The following RALY variants were observed in gnomAD, a reference collection of about 807,000 sequenced individuals.
RALY encodes the protein RALY heterogeneous nuclear ribonucleoprotein.
Under a neutral mutation model 30.7 loss-of-function variants are expected in RALY, and 15 were observed. That is an observed-to-expected ratio of 0.49 (90% CI 0.33 to 0.75). The LOEUF (loss-of-function observed/expected upper bound fraction) is 0.75. RALY is among the 30% of genes least tolerant of loss of function. The pLI is 0.02. For synonymous variants in RALY, 177 were observed against 170.8 expected, an observed-to-expected ratio of 1.04 and a Z score of -0.28; for missense variants, 339 against 414.3, an observed-to-expected ratio of 0.82 and a Z score of 1.58.
intron 1 of RALY, among the ~76,000 whole-genome samples, chr20:33,997,122 C>T (rs1466976942): frequency 6.6e-6 from 1 of 152,028 alleles, no homozygotes; most frequent in African/African-American, 2.4e-5. Context: ...ACCTTATACC[C>T]TGTTTTTTTT....
Position 33,996,621 on chromosome 20 carries a change from T to A in RALY, c.-93+2490T>A, listed in dbSNP as rs76225455. Reference sequence around the variant, plus strand: ...AACCTTAAAGCTGGCATGCTTTTTTTAAAAAAAAAATTGTGGTAAAATATA... The same window carrying A: ...AACCTTAAAGCTGGCATGCTTTTTTAAAAAAAAAAATTGTGGTAAAATATA... On this transcript the variant is annotated intron_variant, in intron 1 of 9. Transcript: ENST00000246194. Among the ~76,000 whole-genome samples, 1,090 of 150,412 alleles carry A rather than the reference T, an allele frequency of 7.2e-3. 19 individuals are homozygous for A. Among genetic ancestry groups the A allele is most frequent in the African/African-American group, 0.025 (1,021 of 41,088 alleles).
chr20:34,072,959 T>TGTGTGTGA (rs142692706), intron 3 of RALY, among the ~76,000 whole-genome samples: 387 of 148,990 alleles, frequency 2.6e-3, no homozygotes, highest in African/African-American at 9.1e-3. Context: ...TGTGTGTGTG[T>TGTGTGTGA]GAGAGAGAGA....
intron 2 of RALY, among the ~76,000 whole-genome samples, chr20:34,058,574 C>T (rs1250837109): frequency 6.6e-6 from 1 of 152,138 alleles, no homozygotes; most frequent in African/African-American, 2.4e-5. Context: ...GATACTCATC[C>T]CTTCGGAAGA....
chr20:34,013,143 A>T (rs1469888526), intron 1 of RALY, among the ~76,000 whole-genome samples: 1 of 152,142 alleles, frequency 6.6e-6, no homozygotes, highest in Non-Finnish European at 1.5e-5. Context: ...TATTCAAGGT[A>T]GGCTAAACTA....
At chr20:34,037,715 A>G (rs1601451788) in intron 2 of RALY, among the ~76,000 whole-genome samples, 1 of 152,252 alleles carries the variant, frequency 6.6e-6, no homozygotes, top group East Asian at 1.9e-4. Context: ...CAAATGTACA[A>G]GACTATTAAT....
intron 2 of RALY, among the ~76,000 whole-genome samples, chr20:34,059,239 G>A (rs1463064653): frequency 6.6e-6 from 1 of 152,182 alleles, no homozygotes; most frequent in Non-Finnish European, 1.5e-5. Context: ...TGTGTTCAAG[G>A]AGAAGGATTG....
intron 1 of RALY, among the ~76,000 whole-genome samples, chr20:34,007,832 A>AAG (rs1568651325): frequency 6.6e-6 from 1 of 151,550 alleles, no homozygotes; most frequent in Non-Finnish European, 1.5e-5. Context: ...AAAAAAAAAA[A>AAG]AAAAAAAAAG....
At chr20:34,005,686 A>G (rs1350053209) in intron 1 of RALY, among the ~76,000 whole-genome samples, 1 of 152,224 alleles carries the variant, frequency 6.6e-6, no homozygotes, top group Non-Finnish European at 1.5e-5. Context: ...ATATTATTTC[A>G]TTCTCACCTC....
At chr20:34,008,011 A>C (rs947324106) in intron 1 of RALY, among the ~76,000 whole-genome samples, 1 of 152,130 alleles carries the variant, frequency 6.6e-6, no homozygotes, top group African/African-American at 2.4e-5. Context: ...TTGTGGGACT[A>C]TGGGATCCTT....
intron 6 of RALY, 124 bp downstream of exon 6, chr20:34,076,164 C>A: frequency 8.4e-7 from 1 of 1,192,608 alleles, no homozygotes; most frequent in Non-Finnish European, 1.2e-6. Context: ...GCTGCTCTAA[C>A]ACAGCCAAGT....
intron 2 of RALY, among the ~76,000 whole-genome samples, chr20:34,051,685 C>T (rs572736570): frequency 6.6e-5 from 10 of 152,138 alleles, no homozygotes; most frequent in Non-Finnish European, 1.0e-4. Context: ...AAGCTCCGCC[C>T]CCTGGGTTCA....
At chr20:34,048,871 A>AAAAAAAT (rs1555805742) in intron 2 of RALY, among the ~76,000 whole-genome samples, 3 of 150,392 alleles carry the variant, frequency 2.0e-5, no homozygotes, top group Admixed American at 6.6e-5. Flanking sequence ...AAAAAAAAAA[A>AAAAAAAT]TTTTCTCTGC....
intron 1 of RALY, among the ~76,000 whole-genome samples, chr20:34,026,201 A>T (rs1219712889): frequency 6.6e-6 from 1 of 151,960 alleles, no homozygotes; most frequent in Non-Finnish European, 1.5e-5. Context: ...CAACTTGTCG[A>T]TAAGTGTTTC....
At chr20:34,002,565 A>G (rs1037521789) in intron 1 of RALY, among the ~76,000 whole-genome samples, 6 of 152,226 alleles carry the variant, frequency 3.9e-5, no homozygotes, top group Non-Finnish European at 7.3e-5. Context: ...TGGTGGCTGT[A>G]TCAGTAGACA....
chr20:34,031,332 A>T (rs997036153), intron 1 of RALY, among the ~76,000 whole-genome samples, 190 bp from the exon 2 acceptor site: 4 of 150,148 alleles, frequency 2.7e-5, no homozygotes, highest in African/African-American at 9.9e-5. Context: ...AAGTGCTGAG[A>T]TTACAGGCAT....
intron 1 of RALY, among the ~76,000 whole-genome samples, chr20:33,994,762 A>C (rs1040150820): frequency 6.6e-6 from 1 of 152,168 alleles, no homozygotes; most frequent in Non-Finnish European, 1.5e-5. Context: ...GGAAAGAAGG[A>C]AACTCGCTTT....
chr20:34,018,887 G>A (rs2031709584), intron 1 of RALY, among the ~76,000 whole-genome samples: 1 of 152,118 alleles, frequency 6.6e-6, no homozygotes, highest in African/African-American at 2.4e-5. Context: ...CTTTCCCTCA[G>A]TGAAATCACC....
chr20:34,043,545 C>T (rs1325119780), intron 2 of RALY, among the ~76,000 whole-genome samples: 3 of 152,212 alleles, frequency 2.0e-5, no homozygotes, highest in Non-Finnish European at 4.4e-5. Flanking sequence ...CTTCCTTGCT[C>T]ATGAAACCTC....
Position 34,078,486 on chromosome 20 carries a change from C to T in RALY, c.877-19C>T. 1.9e-6 allele frequency: 3 copies of T among 1,572,776 alleles called. No individual in the cohort carries two copies. The highest frequency in any genetic ancestry group is 2.6e-6 in the Non-Finnish European group (3 of 1,160,280). On this transcript the variant is annotated intron_variant, in intron 8 of 9. Transcript: ENST00000246194. ...TGGCAATGAGTGATGTGTGGTCTCT[C>T]TTACCTCCTCCCTATCAGGAACACA...
Sources: allele counts gnomAD v4.1 joint callset (sites outside exome capture counted in the v4.1 genomes callset), GRCh38; gene constraint gnomAD v4.1.1; transcripts MANE v1.5; gene names NCBI Gene and HGNC (gene_info 2026-07-23, HGNC 2026-07-21).